CACNA2D3: variants seen among roughly 807,000 people sequenced by gnomAD.
CACNA2D3 encodes the protein voltage-dependent calcium channel subunit alpha-2/delta-3.
CACNA2D3 carries 60 observed loss-of-function variants against 160.6 expected under a neutral mutation model. That is an observed-to-expected ratio of 0.37 (90% CI 0.30 to 0.46). The LOEUF (loss-of-function observed/expected upper bound fraction) is 0.46, where lower values mean the gene tolerates loss of function less well. CACNA2D3 is among the 20% of genes least tolerant of loss of function. CACNA2D3 has a pLI of 1.00. For synonymous variants in CACNA2D3, 558 were observed against 492.9 expected, an observed-to-expected ratio of 1.13 and a Z score of -1.75; for missense variants, 1,205 against 1,365.0, an observed-to-expected ratio of 0.88 and a Z score of 1.85.
In CACNA2D3 at chr3:55,056,802, G is replaced by A. The variant is rs538397575; in HGVS notation, c.2988-16643G>A. 1.1e-4 allele frequency among the ~76,000 whole-genome samples: 16 copies of A among 152,312 alleles called. No homozygotes were observed. In the East Asian group the frequency reaches 3.1e-3, roughly 29 times the overall value. Reference sequence around the variant, plus strand: ...CATGGTGGTAACAGAGGCTGAGGTAGAGGGAGGAATGGGGAAATGATGTTT... The same window carrying A: ...CATGGTGGTAACAGAGGCTGAGGTAAAGGGAGGAATGGGGAAATGATGTTT... On this transcript the variant is annotated intron_variant, in intron 35 of 37. Transcript: ENST00000474759.
chr3:54,601,702 ACT>A (rs1703063590), intron 9 of CACNA2D3, among the ~76,000 whole-genome samples: 1 of 151,204 alleles, frequency 6.6e-6, no homozygotes, highest in Non-Finnish European at 1.5e-5. Context: ...CTAGTAAGAA[ACT>A]CTAGCAATTC....
Position 54,303,818 on chromosome 3 carries a change from G to GTTTTTTGTTTTTTTTT in CACNA2D3, c.205-16618_205-16617insGTTTTTTTTTTTTTTT, listed in dbSNP as rs59534343. Among the ~76,000 whole-genome samples the GTTTTTTGTTTTTTTTT allele has an allele frequency of 2.2e-3, 254 of 114,972 alleles. 6 individuals are homozygous for GTTTTTTGTTTTTTTTT. Among genetic ancestry groups the GTTTTTTGTTTTTTTTT allele is most frequent in the Non-Finnish European group, 2.5e-3 (145 of 58,406 alleles). The allele number at this position is 114,972 out of a possible 152,430, so 75.4% of individuals were successfully genotyped here. On this transcript the variant is annotated intron_variant, in intron 2 of 37. Transcript: ENST00000474759. ...CAGCCTCATCAGTGACTTTTTTTCT[G>GTTTTTTGTTTTTTTTT]TTTTTTTTTTTTTTTTTTTTCTATT...
chr3:54,713,019 C>T (rs1170939355), intron 11 of CACNA2D3, among the ~76,000 whole-genome samples: 6 of 152,202 alleles, frequency 3.9e-5, no homozygotes, highest in Non-Finnish European at 8.8e-5. Context: ...TTCTGCCCAC[C>T]ATACTACTCA....
chr3:54,477,749 G>C (rs574613380), intron 4 of CACNA2D3, among the ~76,000 whole-genome samples: 25 of 152,242 alleles, frequency 1.6e-4, no homozygotes, highest in African/African-American at 6.0e-4. Flanking sequence ...ACGGAGATCA[G>C]ATTTCTCCTA....
intron 5 of CACNA2D3, among the ~76,000 whole-genome samples, chr3:54,556,840 A>C (rs1702248803): frequency 6.6e-6 from 1 of 152,206 alleles, no homozygotes; most frequent in South Asian, 2.1e-4. Flanking sequence ...ACACCCCAGC[A>C]TGACGTTTGC....
At chr3:54,441,341 T>A (rs11715872) in intron 4 of CACNA2D3, among the ~76,000 whole-genome samples, 1 of 152,126 alleles carries the variant, frequency 6.6e-6, no homozygotes, top group African/African-American at 2.4e-5. Flanking sequence ...GTTGTTTGTT[T>A]TTTTCTTGTA....
chr3:54,640,268 G>A (rs1269842677), intron 10 of CACNA2D3, among the ~76,000 whole-genome samples: 1 of 152,222 alleles, frequency 6.6e-6, no homozygotes, highest in African/African-American at 2.4e-5. Context: ...TCCTAGTGCT[G>A]TGTGGGCACT....
chr3:54,186,972 A>G (rs1308786077), intron 2 of CACNA2D3, among the ~76,000 whole-genome samples: 1 of 152,186 alleles, frequency 6.6e-6, no homozygotes, highest in Non-Finnish European at 1.5e-5. Flanking sequence ...TGATGTTCCC[A>G]GAGGTCTGAA....
At chr3:54,162,051 G>C (rs1356196097) in intron 2 of CACNA2D3, among the ~76,000 whole-genome samples, 2 of 152,162 alleles carry the variant, frequency 1.3e-5, no homozygotes, top group African/African-American at 4.8e-5. Context: ...TTGAGACAAG[G>C]CAAGAGATGG....
At position 54,915,530 on chromosome 3, in the gene CACNA2D3, C is replaced by T. The variant is rs920088411; in HGVS notation, c.2449+15662C>T. ...TGAATATGACAGCAGCAATAAACAG[C>T]TGAAAATAATCTATGAGGCGTTTGC... On this transcript the variant is annotated intron_variant, in intron 27 of 37. Transcript: ENST00000474759. 5.3e-5 allele frequency among the ~76,000 whole-genome samples: 8 copies of T among 152,296 alleles called. No homozygotes were observed. The East Asian group carries it at 1.2e-3, about 22-fold the overall frequency.
chr3:54,659,842 G>A (rs1329956549), intron 11 of CACNA2D3, among the ~76,000 whole-genome samples: 1 of 152,142 alleles, frequency 6.6e-6, no homozygotes, highest in African/African-American at 2.4e-5. Flanking sequence ...CTCCCCCAGA[G>A]CTTAGTGCCT....
At chr3:54,562,656 C>G in intron 5 of CACNA2D3, 144 bp from the exon 6 acceptor site, 1 of 639,166 alleles carries the variant, frequency 1.6e-6, no homozygotes, top group South Asian at 2.0e-5. Flanking sequence ...AGGAGCTAAA[C>G]GTTTTTGTGG....
chr3:54,410,362 GAA>G (rs201002145), intron 4 of CACNA2D3, among the ~76,000 whole-genome samples: 1 of 146,586 alleles, frequency 6.8e-6, no homozygotes. Context: ...CCAGGAAAAA[GAA>G]AAAAAAAAGA....
intron 8 of CACNA2D3, among the ~76,000 whole-genome samples, chr3:54,573,754 CTTCTAAATAATAGGAGA>C (rs1382016417): frequency 6.6e-6 from 1 of 152,206 alleles, no homozygotes; most frequent in African/African-American, 2.4e-5. Flanking sequence ...CAGTTTGAGG[CTTCTAAATAATAGGAGA>C]TTCCTAGCTG....
intron 2 of CACNA2D3, among the ~76,000 whole-genome samples, chr3:54,303,808 CTTTTTTTCTGT>C (rs1703530854): frequency 9.0e-6 from 1 of 110,584 alleles, no homozygotes; most frequent in African/African-American, 3.4e-5. Flanking sequence ...TCATCAGTGA[CTTTTTTTCTGT>C]TTTTTTTTTT....
At chr3:54,796,263 T>C (rs1039375569) in intron 13 of CACNA2D3, among the ~76,000 whole-genome samples, 3 of 152,186 alleles carry the variant, frequency 2.0e-5, no homozygotes, top group Middle Eastern at 3.2e-3. Flanking sequence ...TTGGAGTCAG[T>C]CTCAGTGTCC....
chr3:55,064,995 T>G (rs1193077065), intron 35 of CACNA2D3, among the ~76,000 whole-genome samples: 1 of 152,198 alleles, frequency 6.6e-6, no homozygotes, highest in Non-Finnish European at 1.5e-5. Context: ...AGGCTGGTAC[T>G]TTTAGAACAA....
At chr3:54,926,555 C>G (rs868521430) in intron 27 of CACNA2D3, among the ~76,000 whole-genome samples, 1 of 148,658 alleles carries the variant, frequency 6.7e-6, no homozygotes, top group Non-Finnish European at 1.5e-5. Flanking sequence ...CACACACACT[C>G]TGTTTTACAT....
chr3:54,634,398 T>C (rs1228566646), intron 10 of CACNA2D3: 1 of 152,254 alleles, frequency 6.6e-6, no homozygotes, highest in East Asian at 1.9e-4. Flanking sequence ...CCTTCTTTGC[T>C]TTCTTCTTTC....
Sources: gnomAD v4.1 joint callset for allele counts (sites outside exome capture counted in the v4.1 genomes callset) on GRCh38, gnomAD v4.1.1 for gene constraint, MANE v1.5 for transcripts, NCBI Gene and HGNC (gene_info 2026-07-23, HGNC 2026-07-21) for gene names.